SGCD: variants seen among roughly 807,000 people sequenced by gnomAD.
SGCD encodes the protein delta-sarcoglycan.
A neutral mutation model predicts 36.6 loss-of-function variants in SGCD; 18 were observed. The ratio of observed to expected loss-of-function variants is 0.49; its 90% confidence interval spans 0.34 to 0.73. The LOEUF (loss-of-function observed/expected upper bound fraction) is 0.73. SGCD is among the 30% of genes least tolerant of loss of function. The pLI is 0.01. For missense variants in SGCD, 387 were observed against 346.7 expected (o/e 1.12, Z -0.92); for synonymous variants, 133 against 130.6 (o/e 1.02, Z -0.12).
At chr5:156,637,516 T>G (rs1172675906) in intron 6 of SGCD, among the ~76,000 whole-genome samples, 2 of 152,106 alleles carry the variant, frequency 1.3e-5, no homozygotes, top group African/African-American at 4.8e-5. Context: ...ACTAGCCACA[T>G]CCTTACCCTC....
At chr5:155,858,577 T>C in the SGCD span, among the ~76,000 whole-genome samples, 2 of 152,214 alleles carry the variant, frequency 1.3e-5, no homozygotes, top group Non-Finnish European at 2.9e-5. Context: ...TTTCAGCAAA[T>C]CAACTTTTTT....
At chr5:156,571,294 C>T (rs112869965) in intron 4 of SGCD, among the ~76,000 whole-genome samples, 2 of 152,300 alleles carry the variant, frequency 1.3e-5, no homozygotes, top group African/African-American at 4.8e-5. Context: ...GATCCGCCTG[C>T]CTGGGCCTCC....
intron 1 of SGCD, among the ~76,000 whole-genome samples, chr5:155,871,797 G>A (rs1392066564): frequency 6.6e-6 from 1 of 152,182 alleles, no homozygotes; most frequent in Non-Finnish European, 1.5e-5. Context: ...TGCCAGTGAA[G>A]GCTGGAGGTG....
At position 156,354,282 on chromosome 5, in the gene SGCD, G is replaced by A. The variant is rs71591057; in HGVS notation, c.192+9605G>A. Among the ~76,000 whole-genome samples the A allele has an allele frequency of 4.2e-3, 635 of 152,280 alleles. 3 individuals are homozygous for A. The highest frequency in any genetic ancestry group is 0.017 in the Middle Eastern group (5 of 294). ...TGGTGGTGGAAGCAGAGAAAGCAGT[G>A]TGATTATAGTCTGGAAGCTGGTAAG... On this transcript the variant is annotated intron_variant, in intron 3 of 8. Coordinates refer to ENST00000337851, the MANE Select transcript of SGCD (RefSeq NM_000337.6).
At chr5:156,578,855 C>CA (rs1216900931) in intron 4 of SGCD, among the ~76,000 whole-genome samples, 1 of 152,198 alleles carries the variant, frequency 6.6e-6, no homozygotes, top group African/African-American at 2.4e-5. Flanking sequence ...TTGATCTTTT[C>CA]AAAAAACCAG....
At chr5:156,757,981 C>G in intron 8 of SGCD, 2 of 1,231,828 alleles carry the variant, frequency 1.6e-6, no homozygotes, top group Non-Finnish European at 2.0e-6. Context: ...TTCAAATTCT[C>G]TCTTGTCACC....
At chr5:155,834,354 GCA>G in the SGCD span, among the ~76,000 whole-genome samples, 1 of 152,124 alleles carries the variant, frequency 6.6e-6, no homozygotes, top group Non-Finnish European at 1.5e-5. Flanking sequence ...AATAACTAAA[GCA>G]CAGCTTTATG....
intron 1 of SGCD, among the ~76,000 whole-genome samples, chr5:156,072,679 C>T (rs1760619332): frequency 1.3e-5 from 2 of 152,154 alleles, no homozygotes; most frequent in Non-Finnish European, 2.9e-5. Context: ...TGTTGGCCTG[C>T]CTTGCTAGAA....
intron 3 of SGCD, among the ~76,000 whole-genome samples, chr5:156,421,938 G>A (rs986987522): frequency 1.3e-5 from 2 of 152,000 alleles, no homozygotes; most frequent in African/African-American, 2.4e-5. Context: ...ATACAGCCTC[G>A]TATTATGCTG....
intron 7 of SGCD, among the ~76,000 whole-genome samples, chr5:156,699,891 T>C (rs1169998100): frequency 1.3e-5 from 2 of 152,150 alleles, no homozygotes; most frequent in African/African-American, 4.8e-5. Context: ...GTGGCATTGA[T>C]CAAGATCCCA....
intron 3 of SGCD, among the ~76,000 whole-genome samples, chr5:156,183,737 C>T (rs1342685938): frequency 6.6e-6 from 1 of 152,044 alleles, no homozygotes; most frequent in East Asian, 1.9e-4. Flanking sequence ...CCACATATGG[C>T]TACAAATTTA....
the SGCD span, among the ~76,000 whole-genome samples, chr5:155,798,967 G>A: frequency 6.6e-6 from 1 of 152,058 alleles, no homozygotes; most frequent in Non-Finnish European, 1.5e-5. Flanking sequence ...TTGATTTCCA[G>A]GTAATTTCCT....
chr5:156,522,695 A>G (rs1350050259), intron 4 of SGCD, among the ~76,000 whole-genome samples: 1 of 151,766 alleles, frequency 6.6e-6, no homozygotes, highest in Non-Finnish European at 1.5e-5. Flanking sequence ...ACATTTACCT[A>G]CTTAACAAAC....
intron 7 of SGCD, 74 bp downstream of exon 7, chr5:156,647,610 C>T (rs1763279532): frequency 1.0e-6 from 1 of 959,410 alleles, no homozygotes; most frequent in East Asian, 2.6e-5. Context: ...GTGATTCATT[C>T]TGAATAAATA....
intron 6 of SGCD, among the ~76,000 whole-genome samples, chr5:156,621,147 C>T (rs1354867879): frequency 2.0e-5 from 3 of 152,188 alleles, no homozygotes; most frequent in African/African-American, 7.2e-5. Context: ...AAGGGACACT[C>T]TGGGTCCCTG....
At chr5:156,444,886 C>A (rs952582498) in intron 3 of SGCD, among the ~76,000 whole-genome samples, 2 of 152,128 alleles carry the variant, frequency 1.3e-5, no homozygotes, top group African/African-American at 4.8e-5. Context: ...AATAAAGACA[C>A]TAAATGGGAT....
chr5:156,504,026 A>T (rs1756577037), intron 3 of SGCD, among the ~76,000 whole-genome samples: 1 of 152,106 alleles, frequency 6.6e-6, no homozygotes, highest in East Asian at 1.9e-4. Context: ...CAACATGGTG[A>T]AACCCCATCA....
intron 3 of SGCD, among the ~76,000 whole-genome samples, chr5:156,495,419 A>G (rs958364083): frequency 3.9e-5 from 6 of 152,196 alleles, no homozygotes; most frequent in Admixed American, 6.5e-5. Context: ...TCTCACAAGT[A>G]TCAAAACGGC....
intron 1 of SGCD, among the ~76,000 whole-genome samples, chr5:156,052,063 G>T (rs889213964): frequency 6.8e-6 from 1 of 146,004 alleles, no homozygotes; most frequent in African/African-American, 2.5e-5. Context: ...GGGTGAAAAA[G>T]GGAAAAAAGG....
Sources: allele counts gnomAD v4.1 joint callset (sites outside exome capture counted in the v4.1 genomes callset), GRCh38; gene constraint gnomAD v4.1.1; transcripts MANE v1.5; gene names NCBI Gene and HGNC (gene_info 2026-07-23, HGNC 2026-07-21).